The following LMBRD1 variants were observed in gnomAD, a reference collection of about 807,000 sequenced individuals.
The protein encoded by LMBRD1 is lysosomal cobalamin transport escort protein LMBD1.
Under a neutral mutation model 74.8 loss-of-function variants are expected in LMBRD1, and 64 were observed. That is an observed-to-expected ratio of 0.86 (90% CI 0.70 to 1.05). The LOEUF is 1.05. LMBRD1 is among the 50% of genes least tolerant of loss of function. The probability of loss-of-function intolerance (pLI) is 0.00; values close to 1 mark genes in which losing one functional copy is unlikely to be tolerated. For missense variants in LMBRD1, 652 were observed against 645.9 expected (o/e 1.01, Z -0.10); for synonymous variants, 204 against 216.3 (o/e 0.94, Z 0.50).
At chr6:69,749,298 C>G in intron 5 of LMBRD1, 43 bp downstream of exon 5, 1 of 1,320,188 alleles carries the variant, frequency 7.6e-7, no homozygotes, top group Non-Finnish European at 1.1e-6. Flanking sequence ...TCAAATAATT[C>G]TATTTCCATT....
At chr6:69,749,900 A>ATG (rs1562111604) in intron 4 of LMBRD1, among the ~76,000 whole-genome samples, 16 of 114,236 alleles carry the variant, frequency 1.4e-4, no homozygotes, top group African/African-American at 5.4e-4. Flanking sequence ...ATACTCATAT[A>ATG]TACATATATA....
At chr6:69,783,355 A>G (rs3003555) in intron 2 of LMBRD1, among the ~76,000 whole-genome samples, 134,561 of 152,200 alleles carry the variant, frequency 0.88, 59,854 homozygotes, top group East Asian at 1. Context: ...CAAAACAGAA[A>G]TTTAAAAGTA....
intron 13 of LMBRD1, among the ~76,000 whole-genome samples, chr6:69,697,998 T>C (rs923037608): frequency 6.6e-6 from 1 of 152,036 alleles, no homozygotes. Context: ...CCTTCATTCC[T>C]TCACAGAAGG....
chr6:69,741,693 T>G, intron 6 of LMBRD1, 96 bp downstream of exon 6: 27 of 744,532 alleles, frequency 3.6e-5, no homozygotes, highest in Middle Eastern at 3.3e-4. Context: ...CCAGCTGGGG[T>G]TAAATTCTTA....
chr6:69,703,049 AG>A (rs1409500772), intron 9 of LMBRD1, among the ~76,000 whole-genome samples: 1 of 152,058 alleles, frequency 6.6e-6, no homozygotes, highest in Non-Finnish European at 1.5e-5. Context: ...AGTTGACGAG[AG>A]GGGTCCAAGA....
Position 69,701,898 on chromosome 6 carries a change from AAGAG to A in LMBRD1, c.967_970del (p.Leu323SerfsTer5), listed in dbSNP as rs771477094. The A allele has an allele frequency of 2.2e-5, 35 of 1,595,598 alleles. No individual in the cohort carries two copies. Among genetic ancestry groups the A allele is most frequent in the Non-Finnish European group, 2.9e-5 (34 of 1,164,194 alleles). Reference sequence around the variant, plus strand: ...TGTCTACTGTACTTACTTTGACAAGAAGAGAGAAATTACAAACAGCAATGCAACT... The same window carrying A: ...TGTCTACTGTACTTACTTTGACAAGAAGAAATTACAAACAGCAATGCAACT... On this transcript the variant is annotated frameshift_variant, in exon 10 of 16. Transcript: ENST00000649934. LOFTEE classifies it high-confidence loss of function.
At chr6:69,791,632 T>G (rs115732433) in intron 1 of LMBRD1, among the ~76,000 whole-genome samples, 1,992 of 152,294 alleles carry the variant, frequency 0.013, 42 homozygotes, top group African/African-American at 0.046. Flanking sequence ...TTTCTGAGCA[T>G]CCTACAATTC....
At chr6:69,737,321 C>G (rs1054984967) in intron 7 of LMBRD1, among the ~76,000 whole-genome samples, 2 of 152,026 alleles carry the variant, frequency 1.3e-5, no homozygotes, top group Admixed American at 1.3e-4. Flanking sequence ...GAGCAAAAGA[C>G]TCAAAGAGAA....
intron 14 of LMBRD1, among the ~76,000 whole-genome samples, chr6:69,677,668 G>C (rs1345615116): frequency 6.6e-6 from 1 of 152,040 alleles, no homozygotes; most frequent in East Asian, 1.9e-4. Flanking sequence ...TCTCACGGCA[G>C]CTCAAGCTTG....
chr6:69,686,378 A>G (rs1765764020), intron 14 of LMBRD1, among the ~76,000 whole-genome samples: 1 of 152,160 alleles, frequency 6.6e-6, no homozygotes, highest in Non-Finnish European at 1.5e-5. Context: ...ATGTTCAATA[A>G]CCAGCTGCGG....
chr6:69,788,989 C>T (rs929718929), intron 2 of LMBRD1, among the ~76,000 whole-genome samples: 2 of 152,092 alleles, frequency 1.3e-5, no homozygotes, highest in African/African-American at 4.8e-5. Context: ...GTTTAAGAGA[C>T]CAAAGGAAGT....
intron 14 of LMBRD1, among the ~76,000 whole-genome samples, chr6:69,685,185 G>T (rs1765738882): frequency 6.6e-6 from 1 of 152,196 alleles, no homozygotes. Flanking sequence ...AATTAACCTT[G>T]TAAGAAGATC....
intron 5 of LMBRD1, among the ~76,000 whole-genome samples, chr6:69,742,365 T>C (rs1356983896): frequency 2.6e-5 from 4 of 152,164 alleles, no homozygotes; most frequent in East Asian, 1.9e-4. Flanking sequence ...TATTTTTCTA[T>C]TAATATATCT....
chr6:69,715,921 C>T (rs1432634767), intron 8 of LMBRD1, among the ~76,000 whole-genome samples: 3 of 151,904 alleles, frequency 2.0e-5, no homozygotes, highest in Non-Finnish European at 4.4e-5. Flanking sequence ...GCCTCCAGCT[C>T]CCTCCATGTC....
chr6:69,686,369 T>C (rs1483965921), intron 14 of LMBRD1, among the ~76,000 whole-genome samples: 2 of 152,180 alleles, frequency 1.3e-5, no homozygotes, highest in African/African-American at 2.4e-5. Flanking sequence ...TCATCCATAA[T>C]GTTCAATAAC....
intron 2 of LMBRD1, among the ~76,000 whole-genome samples, chr6:69,782,960 A>T (rs1765870800): frequency 6.6e-6 from 1 of 152,230 alleles, no homozygotes; most frequent in African/African-American, 2.4e-5. Context: ...ATGCCAGAAT[A>T]GAAATAGTAA....
At chr6:69,681,132 A>C (rs562525689) in intron 14 of LMBRD1, among the ~76,000 whole-genome samples, 6 of 152,204 alleles carry the variant, frequency 3.9e-5, no homozygotes, top group African/African-American at 1.4e-4. Context: ...AGATGTTAAC[A>C]ATGAACACTA....
intron 3 of LMBRD1, among the ~76,000 whole-genome samples, chr6:69,754,885 G>A (rs1765237019): frequency 6.6e-6 from 1 of 152,148 alleles, no homozygotes; most frequent in Admixed American, 6.5e-5. Flanking sequence ...ACCACAATGA[G>A]ATACCATCTC....
At chr6:69,781,339 A>C (rs1765832285) in intron 2 of LMBRD1, among the ~76,000 whole-genome samples, 1 of 152,176 alleles carries the variant, frequency 6.6e-6, no homozygotes, top group Non-Finnish European at 1.5e-5. Flanking sequence ...CATGTGAAAA[A>C]TTAAACGTGG....
Sources: gnomAD v4.1 joint callset for allele counts (sites outside exome capture counted in the v4.1 genomes callset) on GRCh38, gnomAD v4.1.1 for gene constraint, MANE v1.5 for transcripts, NCBI Gene and HGNC (gene_info 2026-07-23, HGNC 2026-07-21) for gene names.